Variants in MARCHF1 observed in about 807,000 individuals in gnomAD.
MARCHF1 encodes the protein E3 ubiquitin-protein ligase MARCHF1.
Under a neutral mutation model 54.2 loss-of-function variants are expected in MARCHF1, and 40 were observed. The observed-to-expected ratio is 0.74, with a 90% confidence interval of 0.57 to 0.96. MARCHF1 has a LOEUF of 0.96. MARCHF1 is among the 40% of genes least tolerant of loss of function. The pLI, the probability that MARCHF1 is intolerant of heterozygous loss-of-function variation, is 0.00. For missense variants in MARCHF1, 586 were observed against 656.5 expected (o/e 0.89, Z 1.17); for synonymous variants, 236 against 236.3 (o/e 1.00, Z 0.01).
intron 5 of MARCHF1, among the ~76,000 whole-genome samples, chr4:163,631,117 A>G (rs1297031181): frequency 6.6e-6 from 1 of 152,154 alleles, no homozygotes; most frequent in Admixed American, 6.6e-5. Flanking sequence ...ACTTTCTGAG[A>G]CATGAAGCAT....
Position 164,135,062 on chromosome 4 carries a change from A to G in MARCHF1, c.-322-23400T>C, listed in dbSNP as rs77812959. Among the ~76,000 whole-genome samples, 896 of 152,278 alleles carry G rather than the reference A, an allele frequency of 5.9e-3. 7 individuals are homozygous for G. The highest frequency in any genetic ancestry group is 0.021 in the African/African-American group (858 of 41,548). Reference sequence around the variant, plus strand: ...TCCTCTTATTTAAATAAAAAGACATAGTCCTCCTGGTTGGTTATTAGTACA... The same window carrying G: ...TCCTCTTATTTAAATAAAAAGACATGGTCCTCCTGGTTGGTTATTAGTACA... On this transcript the variant is annotated intron_variant, in intron 1 of 9. Coordinates refer to ENST00000514618, the MANE Select transcript of MARCHF1 (RefSeq NM_001394959.1).
chr4:164,055,476 A>G (rs554968843), intron 2 of MARCHF1, among the ~76,000 whole-genome samples: 82 of 151,424 alleles, frequency 5.4e-4, no homozygotes, highest in African/African-American at 1.9e-3. Context: ...AATAGGGAAA[A>G]CCTCTTTGGA....
chr4:163,890,377 TCTC>T (rs1335229910), intron 3 of MARCHF1, among the ~76,000 whole-genome samples: 836 of 51,498 alleles, frequency 0.016, 6 homozygotes, highest in African/African-American at 0.026. Flanking sequence ...TCTCTCTCTC[TCTC>T]TGTTTTTTCT....
chr4:164,316,936 C>G (rs903898709), intron 1 of MARCHF1, among the ~76,000 whole-genome samples: 1 of 152,102 alleles, frequency 6.6e-6, no homozygotes, highest in African/African-American at 2.4e-5. Context: ...TTCCTGAGTC[C>G]TCCCCAGAAG....
At chr4:164,002,341 A>C (rs1753201387) in intron 2 of MARCHF1, among the ~76,000 whole-genome samples, 1 of 151,730 alleles carries the variant, frequency 6.6e-6, no homozygotes, top group Non-Finnish European at 1.5e-5. Context: ...AATTAATTTA[A>C]AAATCGATAT....
intron 2 of MARCHF1, among the ~76,000 whole-genome samples, chr4:164,063,677 G>A (rs557834972): frequency 6.6e-6 from 1 of 152,140 alleles, no homozygotes; most frequent in Non-Finnish European, 1.5e-5. Context: ...CATTTTCATT[G>A]TGCTTGAATT....
chr4:163,892,711 A>T (rs932808966), intron 3 of MARCHF1, among the ~76,000 whole-genome samples: 1 of 152,032 alleles, frequency 6.6e-6, no homozygotes, highest in Non-Finnish European at 1.5e-5. Context: ...GCCATAAGGG[A>T]GATGATGACA....
intron 1 of MARCHF1, among the ~76,000 whole-genome samples, chr4:164,225,118 A>T (rs879305700): frequency 2.0e-5 from 3 of 151,858 alleles, no homozygotes; most frequent in Non-Finnish European, 4.4e-5. Flanking sequence ...TTCACAATCT[A>T]CTCTGGACCA....
intron 3 of MARCHF1, among the ~76,000 whole-genome samples, chr4:163,982,394 G>T (rs930507310): frequency 6.6e-6 from 1 of 152,158 alleles, no homozygotes; most frequent in Non-Finnish European, 1.5e-5. Context: ...TGCTCTCAGC[G>T]CAGGCTATTC....
chr4:163,555,773 G>A (rs747723055), intron 8 of MARCHF1: 56 of 306,494 alleles, frequency 1.8e-4, no homozygotes, highest in Non-Finnish European at 3.5e-4. Context: ...CTTGCCGAGC[G>A]GACTCTTGGA....
chr4:163,713,455 A>C (rs989049571), intron 4 of MARCHF1, among the ~76,000 whole-genome samples: 1 of 152,190 alleles, frequency 6.6e-6, no homozygotes, highest in Non-Finnish European at 1.5e-5. Context: ...AATCATGATA[A>C]TAGTACAGTC....
chr4:163,602,307 G>A lies in MARCHF1; in HGVS notation c.1010+9964C>T, dbSNP rs1321608266. ...CTGAATATTTACTGACAACTGCAGCGATTAAAATTATTCATATCAAGGAAA... is the reference window on the plus strand; with the variant it reads ...CTGAATATTTACTGACAACTGCAGCAATTAAAATTATTCATATCAAGGAAA... On this transcript the variant is annotated intron_variant, in intron 7 of 9. Coordinates refer to ENST00000514618, the MANE Select transcript of MARCHF1 (RefSeq NM_001394959.1). Among the ~76,000 whole-genome samples, 7 of 152,008 alleles carry A rather than the reference G, an allele frequency of 4.6e-5. No individual in the cohort carries two copies. In the East Asian group the frequency reaches 1.2e-3, roughly 25 times the overall value.
At chr4:164,368,046 T>A (rs77473090) in intron 1 of MARCHF1, among the ~76,000 whole-genome samples, 1 of 149,536 alleles carries the variant, frequency 6.7e-6, no homozygotes, top group Non-Finnish European at 1.5e-5. Context: ...AAAAAAGATT[T>A]AAAAAAAGAC....
At chr4:163,590,574 A>G (rs1243102231) in intron 7 of MARCHF1, among the ~76,000 whole-genome samples, 1 of 152,144 alleles carries the variant, frequency 6.6e-6, no homozygotes, top group Non-Finnish European at 1.5e-5. Flanking sequence ...TCTATCACCA[A>G]TCATATAAAC....
chr4:163,625,294 A>AT (rs1331637009), intron 5 of MARCHF1, among the ~76,000 whole-genome samples: 1 of 152,114 alleles, frequency 6.6e-6, no homozygotes, highest in Non-Finnish European at 1.5e-5. Context: ...TCTAGCATTT[A>AT]TTTTATCACC....
intron 2 of MARCHF1, among the ~76,000 whole-genome samples, chr4:164,073,818 T>C (rs1031857022): frequency 1.3e-5 from 2 of 152,152 alleles, no homozygotes; most frequent in Admixed American, 1.3e-4. Context: ...GGTTTTGTTT[T>C]GTTTTTGAGA....
chr4:163,835,946 T>C (rs11933421), intron 4 of MARCHF1, among the ~76,000 whole-genome samples: 144,236 of 152,202 alleles, frequency 0.95, 68,418 homozygotes, highest in South Asian at 0.99. Context: ...CATCTCAGCT[T>C]CTCCAGCTCT....
chr4:163,682,740 T>C (rs1301468973), intron 5 of MARCHF1, among the ~76,000 whole-genome samples: 2 of 152,072 alleles, frequency 1.3e-5, no homozygotes, highest in Admixed American at 1.3e-4. Flanking sequence ...AAGGGGCTTT[T>C]CCCCCTTTGC....
chr4:163,691,556 G>T (rs1744458306), intron 5 of MARCHF1, among the ~76,000 whole-genome samples: 1 of 152,124 alleles, frequency 6.6e-6, no homozygotes, highest in African/African-American at 2.4e-5. Context: ...ATAAGTGCTG[G>T]AAAAAGGTGA....
Sources: allele counts gnomAD v4.1 joint callset (sites outside exome capture counted in the v4.1 genomes callset), GRCh38; gene constraint gnomAD v4.1.1; transcripts MANE v1.5; gene names NCBI Gene and HGNC (gene_info 2026-07-23, HGNC 2026-07-21).